Variants in JAZF1 observed in about 807,000 individuals in gnomAD.
JAZF1 encodes juxtaposed with another zinc finger protein 1.
A neutral mutation model predicts 26.4 loss-of-function variants in JAZF1; 8 were observed. The observed-to-expected ratio is 0.30, with a 90% CI of 0.18 to 0.55. The LOEUF (loss-of-function observed/expected upper bound fraction) is 0.55. Among genes scored for constraint, JAZF1 ranks in the 20% least tolerant of loss-of-function variants. JAZF1 has a pLI of 0.94. For missense variants in JAZF1, 199 were observed against 322.0 expected, an observed-to-expected ratio of 0.62 and a Z score of 2.92; for synonymous variants, 126 against 122.3, an observed-to-expected ratio of 1.03 and a Z score of -0.20.
At chr7:28,020,859 A>AGAGCTTTC (rs1408476361) in intron 1 of JAZF1, 7 of 364,852 alleles carry the variant, frequency 1.9e-5, no homozygotes, top group Non-Finnish European at 3.8e-5. Flanking sequence ...GCAGCTGCTC[A>AGAGCTTTC]GAGCTTTCAA....
intron 1 of JAZF1, among the ~76,000 whole-genome samples, chr7:28,148,036 T>C (rs906606034): frequency 6.6e-6 from 1 of 152,058 alleles, no homozygotes; most frequent in South Asian, 2.1e-4. Context: ...TTGTGCATTA[T>C]ATATATAATG....
chr7:27,885,457 TG>T (rs1437089603), intron 3 of JAZF1, among the ~76,000 whole-genome samples: 1 of 152,258 alleles, frequency 6.6e-6, no homozygotes, highest in Non-Finnish European at 1.5e-5. Flanking sequence ...TAATCTTAAA[TG>T]CTTCTGTGTT....
chr7:27,975,955 T>C (rs1785461579), intron 2 of JAZF1, among the ~76,000 whole-genome samples: 3 of 152,270 alleles, frequency 2.0e-5, no homozygotes, highest in Middle Eastern at 3.4e-3. Flanking sequence ...TCCTACCAAG[T>C]GTTTTGTGTG....
chr7:27,891,009 C>T (rs1466012506), intron 3 of JAZF1, among the ~76,000 whole-genome samples: 3 of 152,060 alleles, frequency 2.0e-5, no homozygotes, highest in South Asian at 2.1e-4. Flanking sequence ...AGGCTCATCT[C>T]GAACTCCTGA....
intron 2 of JAZF1, among the ~76,000 whole-genome samples, chr7:27,939,995 A>G (rs767283709): frequency 6.6e-6 from 1 of 152,090 alleles, no homozygotes; most frequent in Non-Finnish European, 1.5e-5. Flanking sequence ...GGTTCTGAGG[A>G]CTGAGGCAGG....
At chr7:28,120,097 T>A (rs1197667683) in intron 1 of JAZF1, among the ~76,000 whole-genome samples, 1 of 152,044 alleles carries the variant, frequency 6.6e-6, no homozygotes, top group African/African-American at 2.4e-5. Flanking sequence ...CAAGCCCACA[T>A]CAGGGGCCAT....
intron 2 of JAZF1, among the ~76,000 whole-genome samples, chr7:27,985,168 G>A (rs1335485509): frequency 6.6e-6 from 1 of 152,130 alleles, no homozygotes; most frequent in African/African-American, 2.4e-5. Context: ...CCAGGAGCTG[G>A]TTTTTTGAAA....
chr7:27,904,323 ATCT>A (rs1245841745), intron 2 of JAZF1, among the ~76,000 whole-genome samples: 2 of 152,182 alleles, frequency 1.3e-5, no homozygotes, highest in African/African-American at 2.4e-5. Flanking sequence ...CATGTGGCGG[ATCT>A]TCTTATTTTA....
chr7:28,033,751 G>T (rs529214159), intron 1 of JAZF1, among the ~76,000 whole-genome samples: 1 of 151,244 alleles, frequency 6.6e-6, no homozygotes, highest in East Asian at 1.9e-4. Flanking sequence ...ACTCTTTTTT[G>T]GGGGGGCAAT....
chr7:28,013,014 T>C (rs1354819787), intron 1 of JAZF1, among the ~76,000 whole-genome samples: 1 of 152,164 alleles, frequency 6.6e-6, no homozygotes, highest in East Asian at 1.9e-4. Context: ...TACCCCATGG[T>C]TTGAAACCTC....
At chr7:27,839,291 C>T (rs1027523283) in intron 4 of JAZF1, among the ~76,000 whole-genome samples, 7 of 152,166 alleles carry the variant, frequency 4.6e-5, no homozygotes, top group Admixed American at 6.5e-5. Context: ...GCAGCAAGAC[C>T]GCAGTGGTGG....
At chr7:28,054,054 T>C (rs957383266) in intron 1 of JAZF1, among the ~76,000 whole-genome samples, 5 of 152,224 alleles carry the variant, frequency 3.3e-5, no homozygotes, top group African/African-American at 4.8e-5. Flanking sequence ...CCTCCCCAAG[T>C]ATAAACTTCC....
chr7:27,894,979 G>A (rs1189025748), intron 3 of JAZF1, among the ~76,000 whole-genome samples: 1 of 151,034 alleles, frequency 6.6e-6, no homozygotes, highest in Non-Finnish European at 1.5e-5. Flanking sequence ...GGTAAAAATG[G>A]GAAATATATT....
At chr7:28,129,738 A>G (rs191847438) in intron 1 of JAZF1, among the ~76,000 whole-genome samples, 235 of 152,358 alleles carry the variant, frequency 1.5e-3, no homozygotes, top group Admixed American at 4.1e-3. Context: ...AAAATTTAAA[A>G]AAGAAAAGAA....
chr7:28,166,350 G>A (rs1393371599), intron 1 of JAZF1, among the ~76,000 whole-genome samples: 2 of 152,204 alleles, frequency 1.3e-5, no homozygotes, highest in African/African-American at 4.8e-5. Context: ...CCAGCCTGGG[G>A]TTTTCCTGAG....
chr7:27,837,968 C>G lies in JAZF1; in HGVS notation c.555+2730G>C, dbSNP rs545709702. ...GGCCTGGAGATGGTACTGGAGGAAT[C>G]TACATTAACAAGCTAATACACTAAC... On this transcript the variant is annotated intron_variant, in intron 4 of 4. Transcript: ENST00000283928. Among the ~76,000 whole-genome samples the G allele has an allele frequency of 3.8e-4, 58 of 151,260 alleles. 1 individual carries two copies. The South Asian group carries it at 0.012, about 32-fold the overall frequency.
chr7:27,963,778 G>A (rs562380301), intron 2 of JAZF1, among the ~76,000 whole-genome samples: 1 of 152,174 alleles, frequency 6.6e-6, no homozygotes, highest in South Asian at 2.1e-4. Flanking sequence ...ACATTGCCCA[G>A]GCTGATTTCA....
chr7:28,146,656 C>T (rs1783033244), intron 1 of JAZF1, among the ~76,000 whole-genome samples: 1 of 152,116 alleles, frequency 6.6e-6, no homozygotes, highest in Admixed American at 6.5e-5. Flanking sequence ...AATTGTCTCC[C>T]TATTCCAAAT....
chr7:28,028,311 G>T (rs1450520155), intron 1 of JAZF1, among the ~76,000 whole-genome samples: 1 of 152,142 alleles, frequency 6.6e-6, no homozygotes, highest in African/African-American at 2.4e-5. Context: ...GGAGGATTTT[G>T]AACAATATCA....
Sources: allele counts gnomAD v4.1 joint callset (sites outside exome capture counted in the v4.1 genomes callset), GRCh38; gene constraint gnomAD v4.1.1; transcripts MANE v1.5; gene names NCBI Gene and HGNC (gene_info 2026-07-23, HGNC 2026-07-21).